Variants in STK3 observed in about 807,000 individuals in gnomAD.
The protein encoded by STK3 is serine/threonine kinase 3.
In STK3, 41 loss-of-function variants were observed where a neutral mutation model predicts 58.0. The ratio of observed to expected loss-of-function variants is 0.71; its 90% CI spans 0.55 to 0.92. The LOEUF is 0.92. STK3 is among the 40% of genes least tolerant of loss of function. The probability of loss-of-function intolerance (pLI) is 0.00; values close to 1 mark genes in which losing one functional copy is unlikely to be tolerated. For synonymous variants in STK3, 170 were observed against 191.0 expected (o/e 0.89, Z 0.91); for missense variants, 479 against 602.7 (o/e 0.79, Z 2.15).
At chr8:98,646,072 G>T (rs1176127104) in intron 6 of STK3, among the ~76,000 whole-genome samples, 1 of 152,226 alleles carries the variant, frequency 6.6e-6, no homozygotes, top group Non-Finnish European at 1.5e-5. Context: ...ACTAAGAGCA[G>T]ATGACATAAT....
At chr8:98,778,503 CG>C (rs1831869424) in intron 1 of STK3, among the ~76,000 whole-genome samples, 1 of 152,002 alleles carries the variant, frequency 6.6e-6, no homozygotes, top group Non-Finnish European at 1.5e-5. Flanking sequence ...CTAGAAATAC[CG>C]TTTGACCCAG....
chr8:98,375,402 C>A (rs368409135), intron 2 of STK3, among the ~76,000 whole-genome samples: 1 of 151,982 alleles, frequency 6.6e-6, no homozygotes, highest in African/African-American at 2.4e-5. Flanking sequence ...GAATATCTAC[C>A]TAGAAAATTC....
intron 6 of STK3, among the ~76,000 whole-genome samples, chr8:98,621,527 T>G (rs899623155): frequency 2.0e-5 from 3 of 152,186 alleles, no homozygotes; most frequent in African/African-American, 7.2e-5. Context: ...TGATGTTAGC[T>G]GAAAGGTTTT....
intron 9 of STK3, among the ~76,000 whole-genome samples, chr8:98,540,965 A>C (rs1810205018): frequency 6.6e-6 from 1 of 152,176 alleles, no homozygotes; most frequent in African/African-American, 2.4e-5. Context: ...GTAGCTTTCT[A>C]ATCCCTAAAT....
intron 6 of STK3, chr8:98,598,981 A>T (rs778014763): frequency 3.7e-6 from 3 of 810,808 alleles, no homozygotes; most frequent in Non-Finnish European, 3.0e-6. Context: ...GAGATGTGGA[A>T]AGGGCTGAAA....
At chr8:98,835,573 C>A (rs1835716283) in intron 3 of STK3, among the ~76,000 whole-genome samples, 2 of 152,184 alleles carry the variant, frequency 1.3e-5, no homozygotes. Flanking sequence ...TTCCTTCCCA[C>A]CACACCCCAC....
chr8:98,385,632 C>G (rs57082678), intron 1 of STK3, among the ~76,000 whole-genome samples: 1 of 152,114 alleles, frequency 6.6e-6, no homozygotes, highest in East Asian at 1.9e-4. Flanking sequence ...GCAGTGCCCC[C>G]GTCCGTCACT....
intron 10 of STK3, among the ~76,000 whole-genome samples, chr8:98,469,284 A>G (rs931103836): frequency 6.6e-6 from 1 of 151,982 alleles, no homozygotes; most frequent in Non-Finnish European, 1.5e-5. Flanking sequence ...GAATGGCGCC[A>G]AATTAGATTT....
intron 10 of STK3, among the ~76,000 whole-genome samples, chr8:98,518,622 TC>T (rs1195833143): frequency 6.6e-6 from 1 of 152,130 alleles, no homozygotes; most frequent in Non-Finnish European, 1.5e-5. Context: ...GTTATGACTA[TC>T]TTAAATGCCT....
chr8:98,480,814 A>C (rs1017828155), intron 10 of STK3, among the ~76,000 whole-genome samples: 3 of 152,248 alleles, frequency 2.0e-5, no homozygotes, highest in African/African-American at 7.2e-5. Context: ...TTTGGGGGAA[A>C]GTTTCAGGCT....
upstream of STK3, among the ~76,000 whole-genome samples, chr8:98,391,817 A>G (rs1317383027): frequency 6.6e-6 from 1 of 152,212 alleles, no homozygotes; most frequent in African/African-American, 2.4e-5. Flanking sequence ...TTTAGAGGAC[A>G]TTCTTCAATA....
At chr8:98,698,503 G>A (rs894720849) in intron 6 of STK3, among the ~76,000 whole-genome samples, 146 of 152,180 alleles carry the variant, frequency 9.6e-4, no homozygotes, top group Admixed American at 1.8e-3. Context: ...GGCTGGTACC[G>A]GTTGTTCCTT....
At chr8:98,814,642 G>A (rs1360191794) in intron 1 of STK3, among the ~76,000 whole-genome samples, 4 of 152,048 alleles carry the variant, frequency 2.6e-5, no homozygotes, top group Non-Finnish European at 5.9e-5. Flanking sequence ...ATGTAGATGG[G>A]ACTACAAGCG....
At chr8:98,399,865 C>T (rs555179570), downstream of STK3, among the ~76,000 whole-genome samples, 7 of 152,316 alleles carry the variant, frequency 4.6e-5, no homozygotes, top group East Asian at 9.6e-4. Context: ...GAGATGACCA[C>T]GTGCTTCGGG....
intron 10 of STK3, among the ~76,000 whole-genome samples, chr8:98,490,775 TG>T (rs1184001714): frequency 1.3e-5 from 2 of 152,104 alleles, no homozygotes; most frequent in African/African-American, 4.8e-5. Flanking sequence ...TCCCTGTTCG[TG>T]GGGGTGCGAA....
At chr8:98,637,003 A>G (rs968991370) in intron 6 of STK3, among the ~76,000 whole-genome samples, 2 of 152,076 alleles carry the variant, frequency 1.3e-5, no homozygotes, top group African/African-American at 4.8e-5. Context: ...GGACAATGCT[A>G]ACTTTCTTAT....
At chr8:98,553,179 T>G (rs931349597) in intron 8 of STK3, among the ~76,000 whole-genome samples, 4 of 151,828 alleles carry the variant, frequency 2.6e-5, no homozygotes, top group Non-Finnish European at 5.9e-5. Flanking sequence ...GTGGAGTGTT[T>G]TACAACTTTT....
At chr8:98,686,766 A>G (rs1824030120) in intron 6 of STK3, among the ~76,000 whole-genome samples, 1 of 152,190 alleles carries the variant, frequency 6.6e-6, no homozygotes, top group Non-Finnish European at 1.5e-5. Context: ...TGAAAAATTT[A>G]CTAGAGGAAT....
intron 1 of STK3, among the ~76,000 whole-genome samples, chr8:98,893,504 G>A (rs1296160648): frequency 8.3e-6 from 1 of 120,314 alleles, no homozygotes; most frequent in African/African-American, 3.2e-5. Flanking sequence ...AAGAAAGAAA[G>A]AAAGAAAGAA....
Sources: allele counts gnomAD v4.1 joint callset (sites outside exome capture counted in the v4.1 genomes callset), GRCh38; gene constraint gnomAD v4.1.1; transcripts MANE v1.5; gene names NCBI Gene and HGNC (gene_info 2026-07-23, HGNC 2026-07-21).